Variants in TYRP1 observed in about 807,000 individuals in gnomAD.
The protein encoded by TYRP1 is 5,6-dihydroxyindole-2-carboxylic acid oxidase.
A neutral mutation model predicts 42.8 loss-of-function variants in TYRP1; 49 were observed. That is an observed-to-expected ratio of 1.14 (90% CI 0.91 to 1.45). The LOEUF (loss-of-function observed/expected upper bound fraction) is 1.45. TYRP1 is among the 40% of genes most tolerant of loss of function. The pLI, the probability that TYRP1 is intolerant of heterozygous loss-of-function variation, is 0.00. For synonymous variants in TYRP1, 279 were observed against 235.4 expected, an observed-to-expected ratio of 1.19 and a Z score of -1.69; for missense variants, 848 against 662.0, an observed-to-expected ratio of 1.28 and a Z score of -3.08.
At chr9:12,704,786 C>T (rs1443763218) in intron 6 of TYRP1, 81 bp downstream of exon 6, 1 of 1,393,350 alleles carries the variant, frequency 7.2e-7, no homozygotes, top group Non-Finnish European at 1.0e-6. Context: ...AAGCTGAGCA[C>T]TCAGCGCATA....
chr9:12,702,459 T>C, intron 5 of TYRP1, 21 bp downstream of exon 5: 1 of 1,609,862 alleles, frequency 6.2e-7, no homozygotes, highest in South Asian at 1.1e-5. Context: ...GAAATCAGTA[T>C]TTTTAAAAGA....
chr9:12,704,687 C>G lies in TYRP1; in HGVS notation c.1243C>G (p.Leu415Val). Residue 415 changes from leucine to valine, a missense_variant, in exon 6 of 8, where the codon CTG becomes GTG. Transcript: ENST00000388918. ...CACAGATGCAGTCTTTGATGAATGG[C>G]TGAGGAGATACAATGCTGGTAAGAC... ...TFTDAVFDEW[L>V]RRYNADISTF... 6.2e-7 allele frequency: 1 copy of G among 1,612,954 alleles called. No homozygotes were observed. Among genetic ancestry groups the G allele is most frequent in the South Asian group, 1.1e-5 (1 of 91,066 alleles).
chr9:12,698,536 T>C lies in TYRP1; in HGVS notation c.794T>C (p.Leu265Ser). The part of the protein sequence containing the change: ...KNVCDICTDD[L>S]MGSRSNFDST... ...GTCTGTGATATCTGCACGGATGACT[T>C]GATGGGATCCAGAAGCAACTTTGAT... Residue 265 changes from leucine to serine, a missense_variant, in exon 4 of 8, where the codon TTG (leucine) becomes TCG (serine). Coordinates refer to ENST00000388918, the MANE Select transcript of TYRP1 (RefSeq NM_000550.3). 1 of 1,613,818 alleles carries C rather than the reference T, an allele frequency of 6.2e-7. No individual in the cohort carries two copies. The highest frequency in any genetic ancestry group is 2.2e-5 in the East Asian group (1 of 44,848).
intron 6 of TYRP1, among the ~76,000 whole-genome samples, chr9:12,705,290 A>C (rs1022236738): frequency 1.2e-4 from 19 of 152,068 alleles, no homozygotes; most frequent in Non-Finnish European, 2.8e-4. Flanking sequence ...CTGAGAGGCT[A>C]GCATTATTTT....
At chr9:12,706,846 A>ATTCTT (rs1014882805) in intron 6 of TYRP1, among the ~76,000 whole-genome samples, 1 of 151,970 alleles carries the variant, frequency 6.6e-6, no homozygotes, top group African/African-American at 2.4e-5. Context: ...GAGGGATGGA[A>ATTCTT]TTCTTTTTCA....
intron 3 of TYRP1, among the ~76,000 whole-genome samples, chr9:12,696,230 C>G (rs1308696924): frequency 2.0e-5 from 3 of 152,274 alleles, no homozygotes; most frequent in South Asian, 2.1e-4. Context: ...TTAGAGACTT[C>G]TCAATCTTTC....
At chr9:12,696,571 T>G (rs1818082596) in intron 3 of TYRP1, among the ~76,000 whole-genome samples, 1 of 152,124 alleles carries the variant, frequency 6.6e-6, no homozygotes, top group Admixed American at 6.6e-5. Flanking sequence ...CAGGCAATAT[T>G]TTTAGTGAAA....
rs371562555 is a variant in TYRP1 at position 12,698,595 on chromosome 9, C to T, written c.853C>T (p.Gln285Ter). The change falls in exon 4 of 8, where the codon CAA becomes TAA. Residue 285 changes from glutamine (Q) to a stop codon, truncating the protein, a stop_gained. Coordinates refer to ENST00000388918, the MANE Select transcript of TYRP1 (RefSeq NM_000550.3). LOFTEE classifies it high-confidence loss of function. ...AATAAGCCCAAACTCTGTCTTTTCTCAATGGCGAGTGGTCTGTGACTCCTT... is the reference window on the plus strand; with the variant it reads ...AATAAGCCCAAACTCTGTCTTTTCTTAATGGCGAGTGGTCTGTGACTCCTT... ...TLISPNSVFS[Q>*]WRVVCDSLED... 1.4e-5 allele frequency: 23 copies of T among 1,613,632 alleles called. No homozygotes were observed. Among genetic ancestry groups the T allele is most frequent in the Non-Finnish European group, 1.9e-5 (23 of 1,179,790 alleles).
chr9:12,702,588 GA>G, intron 5 of TYRP1, 150 bp downstream of exon 5: 1 of 824,886 alleles, frequency 1.2e-6, no homozygotes, highest in Non-Finnish European at 1.9e-6. Flanking sequence ...ACACCTGCTT[GA>G]AAAAGGAACT....
At chr9:12,696,005 G>A (rs559843181) in intron 3 of TYRP1, among the ~76,000 whole-genome samples, 168 bp downstream of exon 3, 1 of 152,208 alleles carries the variant, frequency 6.6e-6, no homozygotes, top group Non-Finnish European at 1.5e-5. Flanking sequence ...TTGGTTACTT[G>A]TTAATTAATC....
chr9:12,694,182 G>T lies in TYRP1; in HGVS notation c.186G>T (p.Arg62Ser), dbSNP rs772194364. The change falls in exon 2 of 8, where the codon AGG becomes AGT. Residue 62 changes from arginine (R) to serine (S), a missense_variant. Transcript: ENST00000388918. ...ACCGCTGTGGCTCATCATCAGGGAG[G>T]GGCAGATGTGAGGCAGTGACTGCAG... is the stretch of plus-strand genomic sequence containing the variant. ...GTDRCGSSSG[R>S]GRCEAVTADS... 3 of 1,613,906 alleles carry T rather than the reference G, an allele frequency of 1.9e-6. No homozygotes were observed. In the South Asian group the frequency reaches 3.3e-5, roughly 18 times the overall value.
chr9:12,702,369 G>C lies in TYRP1; in HGVS notation c.1012G>C (p.Glu338Gln). The change falls in exon 5 of 8, where the codon GAA becomes CAA. Residue 338 changes from glutamate to glutamine, a missense_variant. Physicochemically the swap from Glu to Gln is conservative, Grantham distance 29. Coordinates refer to ENST00000388918, the MANE Select transcript of TYRP1 (RefSeq NM_000550.3). ...ACCACAGGATGTCGCTCAGTGCTTG[G>C]AAGTTGGTTTATTTGACACGCCTCC... ...PEPQDVAQCLEVGLFDTPPFY... is the reference protein window; with the variant it reads ...PEPQDVAQCLQVGLFDTPPFY... 6.2e-7 allele frequency: 1 copy of C among 1,613,162 alleles called. No homozygotes were observed. The highest frequency in any genetic ancestry group is 1.1e-5 in the South Asian group (1 of 91,068).
chr9:12,695,837 G>T lies in TYRP1; in HGVS notation c.708G>T (p.Gln236His). 1.2e-6 allele frequency: 2 copies of T among 1,613,846 alleles called. No homozygotes were observed. Among genetic ancestry groups the T allele is most frequent in the South Asian group, 1.1e-5 (1 of 91,090 alleles). ...TCCTGCGTCTGGAGAAAGACATGCA[G>T]GTATGTAAGAAGCATTTCAGTTTGC... is the stretch of plus-strand genomic sequence containing the variant. ...YHLLRLEKDM[Q>H]EMLQEPSFSL... Residue 236 changes from glutamine to histidine, a missense_variant and splice_region_variant, in exon 3 of 8, where the codon CAG (glutamine) becomes CAT (histidine). By Grantham distance (24) the Gln-to-His change is conservative (BLOSUM62 0). Coordinates refer to ENST00000388918, the MANE Select transcript of TYRP1 (RefSeq NM_000550.3).
chr9:12,708,029 A>G lies in TYRP1; in HGVS notation c.1294A>G (p.Ile432Val). 5 of 1,612,446 alleles carry G rather than the reference A, an allele frequency of 3.1e-6. No homozygotes were observed. The highest frequency in any genetic ancestry group is 4.2e-6 in the Non-Finnish European group (5 of 1,179,040). The change falls in exon 7 of 8, where the codon ATT (isoleucine) becomes GTT (valine). Residue 432 changes from isoleucine to valine, a missense_variant. Physicochemically the swap from Ile to Val is conservative, Grantham distance 29 (BLOSUM62 3). Transcript: ENST00000388918. ...CACATTTCCATTGGAAAATGCCCCT[A>G]TTGGACATAATAGACAATACAACAT... ...ISTFPLENAP[I>V]GHNRQYNMVP...
rs937119709 is a variant in TYRP1, at chr9:12,695,555, C to A, written c.426C>A (p.Asn142Lys). 2 of 1,613,998 alleles carry A rather than the reference C, an allele frequency of 1.2e-6. No individual in the cohort carries two copies. The highest frequency in any genetic ancestry group is 8.5e-7 in the Non-Finnish European group (1 of 1,180,022). ...NLLDLSKEEKNHFVRALDMAK... is the reference protein window; with the variant it reads ...NLLDLSKEEKKHFVRALDMAK... The stretch of plus-strand genomic sequence containing the variant: ...TGGACTTAAGTAAAGAAGAAAAGAA[C>A]CACTTTGTCCGGGCCCTGGATATGG... Residue 142 changes from asparagine (N) to lysine (K), a missense_variant, in exon 3 of 8, where the codon AAC becomes AAA. By Grantham distance (94) the Asn-to-Lys change is moderately conservative. Transcript: ENST00000388918.
intron 4 of TYRP1, chr9:12,700,622 A>T (rs1818151605): frequency 6.6e-6 from 1 of 152,110 alleles, no homozygotes; most frequent in Non-Finnish European, 1.5e-5. Flanking sequence ...CAAATTTAAG[A>T]ATCACTGGAA....
Position 12,698,509 on chromosome 9 carries a change from A to T in TYRP1, c.767A>T (p.Asn256Ile). The stretch of plus-strand genomic sequence containing the variant: ...TACTGGAATTTTGCAACGGGGAAAA[A>T]TGTCTGTGATATCTGCACGGATGAC... ...LPYWNFATGK[N>I]VCDICTDDLM... The change falls in exon 4 of 8, where the codon AAT becomes ATT. Residue 256 changes from asparagine to isoleucine, a missense_variant. Physicochemically the swap from Asn to Ile is moderately radical, Grantham distance 149. Coordinates refer to ENST00000388918, the MANE Select transcript of TYRP1 (RefSeq NM_000550.3). 2 of 1,613,820 alleles carry T rather than the reference A, an allele frequency of 1.2e-6. No individual in the cohort carries two copies. The highest frequency in any genetic ancestry group is 1.7e-6 in the Non-Finnish European group (2 of 1,179,832).
chr9:12,706,957 TAAAGA>T (rs1818268350), intron 6 of TYRP1, among the ~76,000 whole-genome samples: 1 of 151,834 alleles, frequency 6.6e-6, no homozygotes, highest in Non-Finnish European at 1.5e-5. Flanking sequence ...ACTTTACAGA[TAAAGA>T]AAAGTGGAGT....
chr9:12,702,715 T>C (rs1465440485), intron 5 of TYRP1, among the ~76,000 whole-genome samples: 1 of 152,026 alleles, frequency 6.6e-6, no homozygotes, highest in Non-Finnish European at 1.5e-5. Context: ...TTCTGGTAGC[T>C]AGCTGGCCAA....
Sources: gnomAD v4.1 joint callset for allele counts (sites outside exome capture counted in the v4.1 genomes callset) on GRCh38, gnomAD v4.1.1 for gene constraint, MANE v1.5 for transcripts, NCBI Gene and HGNC (gene_info 2026-07-23, HGNC 2026-07-21) for gene names.